CACNA2D3: variants seen among roughly 807,000 people sequenced by gnomAD.
CACNA2D3 encodes the protein voltage-dependent calcium channel subunit alpha-2/delta-3.
A neutral mutation model predicts 160.6 loss-of-function variants in CACNA2D3; 60 were observed. That is an observed-to-expected ratio of 0.37 (90% CI 0.30 to 0.46). CACNA2D3 has a LOEUF of 0.46. Ranked by LOEUF, CACNA2D3 falls within the 20% of genes least tolerant of loss-of-function variation. CACNA2D3 has a pLI of 1.00. For synonymous variants in CACNA2D3, 558 were observed against 492.9 expected (o/e 1.13, Z -1.75); for missense variants, 1,205 against 1,365.0 (o/e 0.88, Z 1.85).
chr3:54,906,473 C>T (rs1336775809), intron 27 of CACNA2D3, among the ~76,000 whole-genome samples: 1 of 152,152 alleles, frequency 6.6e-6, no homozygotes, highest in Non-Finnish European at 1.5e-5. Flanking sequence ...ACGCAGTCTG[C>T]AGTCATCATG....
chr3:54,711,290 C>G lies in CACNA2D3; in HGVS notation c.1168-41309C>G, dbSNP rs746095523. Among the ~76,000 whole-genome samples, 6 of 152,206 alleles carry G rather than the reference C, an allele frequency of 3.9e-5. 1 individual carries two copies. Among genetic ancestry groups the G allele is most frequent in the Non-Finnish European group, 1.5e-5 (1 of 68,042 alleles). On this transcript the variant is annotated intron_variant, in intron 11 of 37. Coordinates refer to ENST00000474759, the MANE Select transcript of CACNA2D3 (RefSeq NM_018398.3). ...TGACATAAAGTGAACAGCACACACA[C>G]AAAAGACCTATTGCACCAGTTAGGA...
intron 11 of CACNA2D3, among the ~76,000 whole-genome samples, chr3:54,733,278 G>C (rs140417603): frequency 1.7e-3 from 259 of 152,260 alleles, no homozygotes; most frequent in Non-Finnish European, 1.7e-3. Context: ...AGTTACCCAC[G>C]TCACTTGGCA....
At chr3:54,776,664 G>A (rs1335417430) in intron 13 of CACNA2D3, among the ~76,000 whole-genome samples, 1 of 152,222 alleles carries the variant, frequency 6.6e-6, no homozygotes, top group Admixed American at 6.5e-5. Flanking sequence ...TGAGGTTTCT[G>A]TAACTTACAG....
intron 3 of CACNA2D3, among the ~76,000 whole-genome samples, chr3:54,376,353 T>C (rs746568934): frequency 6.6e-6 from 1 of 152,250 alleles, no homozygotes; most frequent in Non-Finnish European, 1.5e-5. Flanking sequence ...TTTATGAGCA[T>C]TCCTGCACTG....
intron 35 of CACNA2D3, among the ~76,000 whole-genome samples, chr3:55,032,469 T>C (rs1199463294): frequency 1.3e-5 from 2 of 152,312 alleles, no homozygotes; most frequent in African/African-American, 4.8e-5. Context: ...AGGGGTTCTC[T>C]CACAACACTT....
chr3:54,476,999 C>G (rs1198489476), intron 4 of CACNA2D3, among the ~76,000 whole-genome samples: 1 of 152,018 alleles, frequency 6.6e-6, no homozygotes, highest in Non-Finnish European at 1.5e-5. Flanking sequence ...GGCTGGATAC[C>G]CTCATCAGTG....
chr3:54,586,894 T>G (rs1702771643), intron 9 of CACNA2D3, among the ~76,000 whole-genome samples: 1 of 151,220 alleles, frequency 6.6e-6, no homozygotes. Context: ...CACTTAGAAA[T>G]TAAACAGTAT....
intron 2 of CACNA2D3, among the ~76,000 whole-genome samples, chr3:54,245,390 G>C (rs1033642724): frequency 3.3e-5 from 5 of 152,040 alleles, no homozygotes; most frequent in Non-Finnish European, 7.4e-5. Flanking sequence ...GGGACCCCCT[G>C]CCTGGACCCA....
At chr3:54,529,435 C>A (rs928653820) in intron 5 of CACNA2D3, among the ~76,000 whole-genome samples, 4 of 152,196 alleles carry the variant, frequency 2.6e-5, no homozygotes, top group African/African-American at 9.6e-5. Context: ...TGTGCTACAG[C>A]CATTAAGAAT....
At chr3:54,264,912 A>G (rs1417278426) in intron 2 of CACNA2D3, among the ~76,000 whole-genome samples, 1 of 152,056 alleles carries the variant, frequency 6.6e-6, no homozygotes, top group Non-Finnish European at 1.5e-5. Flanking sequence ...AACAACATGA[A>G]CTCATTCTTT....
At chr3:54,752,525 T>A in intron 11 of CACNA2D3, 74 bp from the exon 12 acceptor site, 1 of 953,886 alleles carries the variant, frequency 1.0e-6, no homozygotes, top group Non-Finnish European at 1.7e-6. Flanking sequence ...CACATGTGTG[T>A]GAGCCATGCA....
intron 2 of CACNA2D3, among the ~76,000 whole-genome samples, chr3:54,284,875 T>G (rs1008256161): frequency 6.6e-6 from 1 of 152,256 alleles, no homozygotes; most frequent in Non-Finnish European, 1.5e-5. Context: ...ACAATGATGA[T>G]GTCCAATGTA....
intron 13 of CACNA2D3, among the ~76,000 whole-genome samples, chr3:54,800,949 T>C (rs1702970746): frequency 1.3e-5 from 2 of 152,090 alleles, no homozygotes; most frequent in African/African-American, 4.8e-5. Flanking sequence ...GGGAAAGGCT[T>C]ATCCAGATAA....
At chr3:54,646,138 C>T (rs1195233749) in intron 11 of CACNA2D3, among the ~76,000 whole-genome samples, 2 of 32,050 alleles carry the variant, frequency 6.2e-5, no homozygotes, top group South Asian at 1.8e-3. Flanking sequence ...TTCCTTCCTT[C>T]CTTCCTTCCT....
chr3:54,640,678 A>G (rs182532530), intron 10 of CACNA2D3, among the ~76,000 whole-genome samples: 23 of 152,324 alleles, frequency 1.5e-4, no homozygotes, highest in African/African-American at 5.3e-4. Context: ...TTACATGCCA[A>G]CAATATAAAT....
At chr3:54,602,239 T>G (rs894547182) in intron 9 of CACNA2D3, among the ~76,000 whole-genome samples, 1 of 152,164 alleles carries the variant, frequency 6.6e-6, no homozygotes, top group South Asian at 2.1e-4. Flanking sequence ...GGCTCATGCC[T>G]GTAATCCTAG....
At chr3:54,859,074 C>T (rs916846233) in intron 17 of CACNA2D3, among the ~76,000 whole-genome samples, 8 of 152,150 alleles carry the variant, frequency 5.3e-5, no homozygotes, top group Non-Finnish European at 8.8e-5. Flanking sequence ...ATTTCTTGCT[C>T]CCCTCTTTGA....
chr3:54,248,989 A>G lies in CACNA2D3; in HGVS notation c.205-71453A>G, dbSNP rs191104326. 2.8e-3 allele frequency among the ~76,000 whole-genome samples: 425 copies of G among 152,304 alleles called. 5 individuals are homozygous for G. The highest frequency in any genetic ancestry group is 5.7e-4 in the Non-Finnish European group (39 of 68,026). On this transcript the variant is annotated intron_variant, in intron 2 of 37. Transcript: ENST00000474759. ...GAATATGTACGTGTGCAAGGCAAAT[A>G]TCTTTGGTTTCCTCCCTCTGTTATC...
intron 2 of CACNA2D3, among the ~76,000 whole-genome samples, chr3:54,272,004 A>G (rs947441883): frequency 3.9e-5 from 6 of 152,170 alleles, no homozygotes; most frequent in African/African-American, 1.2e-4. Flanking sequence ...AGCTGTTTTC[A>G]TCTTGTTTCA....
Sources: allele counts gnomAD v4.1 joint callset (sites outside exome capture counted in the v4.1 genomes callset), GRCh38; gene constraint gnomAD v4.1.1; transcripts MANE v1.5; gene names NCBI Gene and HGNC (gene_info 2026-07-23, HGNC 2026-07-21).